Variants in MACROD2 observed in about 807,000 individuals in gnomAD.
The protein encoded by MACROD2 is ADP-ribose glycohydrolase MACROD2.
In MACROD2, 36 loss-of-function variants were observed where a neutral mutation model predicts 70.4. That is an observed-to-expected ratio of 0.51 (90% CI 0.39 to 0.68). The LOEUF (loss-of-function observed/expected upper bound fraction) is 0.68. Among genes scored for constraint, MACROD2 ranks in the 30% least tolerant of loss-of-function variants. The probability of loss-of-function intolerance (pLI) is 0.00; values close to 1 mark genes in which losing one functional copy is unlikely to be tolerated. For synonymous variants in MACROD2, 172 were observed against 178.8 expected, an observed-to-expected ratio of 0.96 and a Z score of 0.30; for missense variants, 496 against 538.4, an observed-to-expected ratio of 0.92 and a Z score of 0.78.
intron 5 of MACROD2, among the ~76,000 whole-genome samples, chr20:15,079,843 G>A (rs537887913): frequency 4.4e-4 from 67 of 152,124 alleles, no homozygotes; most frequent in African/African-American, 1.6e-3. Flanking sequence ...AGTTAAGCCA[G>A]TCCCTCATCA....
At chr20:15,207,447 T>TG (rs1555792633) in intron 5 of MACROD2, among the ~76,000 whole-genome samples, 4 of 140,772 alleles carry the variant, frequency 2.8e-5, no homozygotes, top group Admixed American at 7.1e-5. Flanking sequence ...TTTTTTTTTT[T>TG]TTTTTTTTTT....
chr20:15,072,605 T>C (rs2075627257), intron 5 of MACROD2, among the ~76,000 whole-genome samples: 1 of 152,168 alleles, frequency 6.6e-6, no homozygotes. Context: ...GTCCTATTAT[T>C]TCTTTCCTTT....
chr20:14,551,640 C>A (rs1220444182), intron 4 of MACROD2, among the ~76,000 whole-genome samples: 1 of 152,112 alleles, frequency 6.6e-6, no homozygotes, highest in Non-Finnish European at 1.5e-5. Context: ...GGGAAAACTT[C>A]CCTGCACAAC....
chr20:14,068,405 G>A (rs1473858953), intron 2 of MACROD2, among the ~76,000 whole-genome samples: 1 of 152,076 alleles, frequency 6.6e-6, no homozygotes, highest in African/African-American at 2.4e-5. Context: ...TGATCAGCTT[G>A]CTAAGTAATA....
intron 3 of MACROD2, among the ~76,000 whole-genome samples, chr20:14,256,009 G>A (rs58623651): frequency 1.6e-4 from 25 of 151,582 alleles, no homozygotes; most frequent in African/African-American, 5.8e-4. Flanking sequence ...GTTTAGATTA[G>A]TTTTTTCCCA....
intron 8 of MACROD2, among the ~76,000 whole-genome samples, chr20:15,852,013 T>C (rs1157328942): frequency 6.6e-6 from 1 of 152,210 alleles, no homozygotes; most frequent in Non-Finnish European, 1.5e-5. Context: ...ATCATCTCTT[T>C]GGATACAAGG....
chr20:14,489,077 T>C (rs990894352), intron 3 of MACROD2, among the ~76,000 whole-genome samples: 6 of 152,238 alleles, frequency 3.9e-5, no homozygotes, highest in Non-Finnish European at 8.8e-5. Context: ...TAATCAGTCT[T>C]TTCTTCAAAT....
intron 5 of MACROD2, among the ~76,000 whole-genome samples, chr20:14,841,069 A>C (rs2073082133): frequency 6.6e-6 from 1 of 152,152 alleles, no homozygotes; most frequent in Non-Finnish European, 1.5e-5. Context: ...TTTAATGTTA[A>C]ATTTTTTTAT....
rs563160614 is a variant in MACROD2, at chr20:14,688,599, A to T, written c.418+3640A>T. 4.4e-4 allele frequency among the ~76,000 whole-genome samples: 67 copies of T among 152,322 alleles called. 1 individual carries two copies. The highest frequency in any genetic ancestry group is 7.5e-4 in the Non-Finnish European group (51 of 68,036). ...GCTAAGGAAATGACTTAGAAAGTAG[A>T]TGGAGGATTGTTTATGTAATTGGAT... On this transcript the variant is annotated intron_variant, in intron 5 of 17. Coordinates refer to ENST00000684519, the MANE Select transcript of MACROD2 (RefSeq NM_001351661.2).
At chr20:14,927,846 G>A (rs1429222384) in intron 5 of MACROD2, among the ~76,000 whole-genome samples, 1 of 152,094 alleles carries the variant, frequency 6.6e-6, no homozygotes, top group Non-Finnish European at 1.5e-5. Flanking sequence ...AAACAACAAC[G>A]ACAAAAACTA....
At chr20:15,994,385 T>C (rs2066599629) in intron 15 of MACROD2, among the ~76,000 whole-genome samples, 1 of 152,202 alleles carries the variant, frequency 6.6e-6, no homozygotes, top group Non-Finnish European at 1.5e-5. Context: ...TCATTTAGGA[T>C]TTTTATTTTA....
At chr20:15,288,729 T>A (rs1263744285) in intron 6 of MACROD2, among the ~76,000 whole-genome samples, 1 of 152,126 alleles carries the variant, frequency 6.6e-6, no homozygotes, top group East Asian at 1.9e-4. Flanking sequence ...CCTTTGGATT[T>A]GTACTGAGTC....
intron 10 of MACROD2, among the ~76,000 whole-genome samples, chr20:15,931,754 C>T (rs1568649601): frequency 6.6e-6 from 1 of 152,158 alleles, no homozygotes; most frequent in African/African-American, 2.4e-5. Flanking sequence ...CTTCGCCAAC[C>T]TCAGAGTATC....
At position 15,378,206 on chromosome 20, in the gene MACROD2, G is replaced by A. The variant is rs530153498; in HGVS notation, c.541-53199G>A. Among the ~76,000 whole-genome samples, 32 of 150,054 alleles carry A rather than the reference G, an allele frequency of 2.1e-4. 1 individual carries two copies. In the South Asian group the frequency reaches 2.3e-3, roughly 11 times the overall value. On this transcript the variant is annotated intron_variant, in intron 6 of 17. Transcript: ENST00000684519. Reference sequence around the variant, plus strand: ...CCAAAGTCCTAGAAAAAAGCATGGGGCCAGGGGGATTCGTTTTCAACCTTG... The same window carrying A: ...CCAAAGTCCTAGAAAAAAGCATGGGACCAGGGGGATTCGTTTTCAACCTTG...
At chr20:14,365,455 A>G (rs796095605) in intron 3 of MACROD2, among the ~76,000 whole-genome samples, 1 of 151,802 alleles carries the variant, frequency 6.6e-6, no homozygotes, top group South Asian at 2.1e-4. Flanking sequence ...TTCATGCTAT[A>G]AAACATAATA....
chr20:16,001,474 C>T (rs1412340102), intron 15 of MACROD2, among the ~76,000 whole-genome samples: 3 of 152,116 alleles, frequency 2.0e-5, no homozygotes, highest in East Asian at 3.9e-4. Context: ...GAAATGTTGT[C>T]GAGATGAATC....
At chr20:16,017,868 C>T (rs2066949797) in intron 15 of MACROD2, among the ~76,000 whole-genome samples, 1 of 152,126 alleles carries the variant, frequency 6.6e-6, no homozygotes, top group African/African-American at 2.4e-5. Context: ...ATGCATGCCC[C>T]CATGACAGCA....
chr20:14,756,114 A>G (rs533086857), intron 5 of MACROD2, among the ~76,000 whole-genome samples: 2 of 152,122 alleles, frequency 1.3e-5, no homozygotes, highest in Non-Finnish European at 2.9e-5. Flanking sequence ...TAGGCCTTAC[A>G]TGATTTGGCA....
At chr20:14,232,810 A>C (rs865790731) in intron 3 of MACROD2, among the ~76,000 whole-genome samples, 1 of 152,318 alleles carries the variant, frequency 6.6e-6, no homozygotes, top group African/African-American at 2.4e-5. Context: ...TTTCCTTTGC[A>C]TTTACAATTC....
Sources: gnomAD v4.1 joint callset for allele counts (sites outside exome capture counted in the v4.1 genomes callset) on GRCh38, gnomAD v4.1.1 for gene constraint, MANE v1.5 for transcripts, NCBI Gene and HGNC (gene_info 2026-07-23, HGNC 2026-07-21) for gene names.